The following TTC7B variants were observed in gnomAD, a reference collection of about 807,000 sequenced individuals.
TTC7B encodes the protein tetratricopeptide repeat domain 7B, also known as tetratricopeptide repeat protein 7B.
In TTC7B, 28 loss-of-function variants were observed where a neutral mutation model predicts 106.8. That is an observed-to-expected ratio of 0.26 (90% CI 0.19 to 0.36). TTC7B has a LOEUF of 0.36. TTC7B is among the 10% of genes least tolerant of loss of function. The pLI is 1.00. For synonymous variants in TTC7B, 405 were observed against 430.6 expected (o/e 0.94, Z 0.74); for missense variants, 862 against 1,076.4 (o/e 0.80, Z 2.79).
intron 19 of TTC7B, among the ~76,000 whole-genome samples, chr14:90,549,453 C>T (rs1177413930): frequency 6.6e-6 from 1 of 152,234 alleles, no homozygotes; most frequent in Non-Finnish European, 1.5e-5. Context: ...CTTTGTCTCC[C>T]TTTGGGAAGA....
chr14:90,747,946 C>T lies in TTC7B; in HGVS notation c.446-3024G>A, dbSNP rs993791946. ...AGTGTTAGCATTTAAATTTTTTCATCCCTTTACTTTTAATCTTTACTTTTA... is the reference window on the plus strand; with the variant it reads ...AGTGTTAGCATTTAAATTTTTTCATTCCTTTACTTTTAATCTTTACTTTTA... On this transcript the variant is annotated intron_variant, in intron 3 of 19. Coordinates refer to ENST00000328459, the MANE Select transcript of TTC7B (RefSeq NM_001010854.2). 4.6e-5 allele frequency among the ~76,000 whole-genome samples: 7 copies of T among 152,046 alleles called. No homozygotes were observed. In the South Asian group the frequency reaches 1.2e-3, roughly 27 times the overall value.
intron 5 of TTC7B, among the ~76,000 whole-genome samples, chr14:90,724,257 A>G (rs1889004618): frequency 1.3e-5 from 2 of 152,170 alleles, no homozygotes; most frequent in African/African-American, 4.8e-5. Flanking sequence ...GAAATGGCTT[A>G]TTTTAATTCC....
At chr14:90,716,277 A>G (rs1176778573) in intron 5 of TTC7B, among the ~76,000 whole-genome samples, 1 of 152,238 alleles carries the variant, frequency 6.6e-6, no homozygotes, top group Non-Finnish European at 1.5e-5. Flanking sequence ...ATCAGATAGC[A>G]ACTGGGGGAT....
chr14:90,646,557 C>T (rs866530427), intron 14 of TTC7B, among the ~76,000 whole-genome samples: 14 of 152,310 alleles, frequency 9.2e-5, no homozygotes, highest in East Asian at 5.8e-4. Flanking sequence ...GACAACCAGA[C>T]GCCAATCAGG....
chr14:90,669,114 A>C, intron 9 of TTC7B, among the ~76,000 whole-genome samples: 1 of 152,180 alleles, frequency 6.6e-6, no homozygotes, highest in South Asian at 2.1e-4. Context: ...GAATAGGGCA[A>C]AGAATAGTTT....
chr14:90,798,030 G>C (rs372672368), intron 1 of TTC7B, among the ~76,000 whole-genome samples: 41 of 152,292 alleles, frequency 2.7e-4, no homozygotes, highest in African/African-American at 9.1e-4. Flanking sequence ...TCTGACTGAT[G>C]GAACAGTGGA....
chr14:90,642,510 C>T (rs1885225529), intron 15 of TTC7B: 1 of 152,292 alleles, frequency 6.6e-6, no homozygotes, highest in Admixed American at 6.5e-5. Context: ...CTCCCCAACC[C>T]CAAGCAGTCC....
intron 5 of TTC7B, among the ~76,000 whole-genome samples, chr14:90,696,157 C>T (rs577966113): frequency 1.3e-5 from 2 of 152,264 alleles, no homozygotes; most frequent in South Asian, 4.2e-4. Flanking sequence ...CTTCTGAGAG[C>T]GAGCATGTGA....
intron 15 of TTC7B, among the ~76,000 whole-genome samples, chr14:90,623,117 T>A (rs1415295467): frequency 6.6e-6 from 1 of 152,160 alleles, no homozygotes; most frequent in Admixed American, 6.5e-5. Context: ...GAAGCCAGCC[T>A]TAAGTAATAG....
chr14:90,737,174 A>G (rs1889567186), intron 4 of TTC7B, among the ~76,000 whole-genome samples: 1 of 152,214 alleles, frequency 6.6e-6, no homozygotes, highest in African/African-American at 2.4e-5. Flanking sequence ...AAACTGTAAG[A>G]AAACAACACT....
At chr14:90,571,432 A>G (rs1891031307) in intron 19 of TTC7B, among the ~76,000 whole-genome samples, 1 of 152,228 alleles carries the variant, frequency 6.6e-6, no homozygotes, top group African/African-American at 2.4e-5. Context: ...GGGCCTGTGC[A>G]CTTTTCAGGG....
At chr14:90,681,302 A>G (rs1887038756) in intron 7 of TTC7B, among the ~76,000 whole-genome samples, 1 of 152,200 alleles carries the variant, frequency 6.6e-6, no homozygotes, top group African/African-American at 2.4e-5. Context: ...GTTATCACCA[A>G]TTGGGTCAAA....
At chr14:90,775,934 G>A (rs1891013187) in intron 3 of TTC7B, among the ~76,000 whole-genome samples, 2 of 151,458 alleles carry the variant, frequency 1.3e-5, no homozygotes, top group Admixed American at 6.6e-5. Flanking sequence ...TAAAATTTCC[G>A]GTTTAAAAAT....
chr14:90,682,757 AT>A (rs1264666055), intron 7 of TTC7B, among the ~76,000 whole-genome samples: 1 of 152,184 alleles, frequency 6.6e-6, no homozygotes, highest in Non-Finnish European at 1.5e-5. Flanking sequence ...CTCAGCAGGC[AT>A]GAGGACAAGC....
chr14:90,709,254 C>T (rs1165217329), intron 5 of TTC7B, among the ~76,000 whole-genome samples: 3 of 150,598 alleles, frequency 2.0e-5, no homozygotes, highest in East Asian at 2.0e-4. Flanking sequence ...TATTGCGGCA[C>T]TATTCACAAT....
In TTC7B at chr14:90,594,411, T is replaced by C. The variant is rs996572138; in HGVS notation, c.1967-785A>G. On this transcript the variant is annotated intron_variant, in intron 17 of 19. Transcript: ENST00000328459. Reference sequence around the variant, plus strand: ...AAGTCAAAATGCAAAACTCATTTCTTTTCACGTTGACCTCTCGGAGGATCG... The same window carrying C: ...AAGTCAAAATGCAAAACTCATTTCTCTTCACGTTGACCTCTCGGAGGATCG... Among the ~76,000 whole-genome samples, 10 of 152,174 alleles carry C rather than the reference T, an allele frequency of 6.6e-5. 1 individual carries two copies. The Middle Eastern group carries it at 0.01, about 155-fold the overall frequency.
At chr14:90,646,326 G>A (rs1397445215) in intron 14 of TTC7B, among the ~76,000 whole-genome samples, 1 of 152,222 alleles carries the variant, frequency 6.6e-6, no homozygotes, top group African/African-American at 2.4e-5. Flanking sequence ...CAGCTGGGAG[G>A]GGATAGGAGG....
intron 15 of TTC7B, among the ~76,000 whole-genome samples, chr14:90,630,838 GTT>G (rs139299361): frequency 2.2e-5 from 2 of 92,616 alleles, no homozygotes; most frequent in African/African-American, 3.0e-5. Context: ...CTTGTTTTTT[GTT>G]TTTTTTTTTT....
At chr14:90,698,961 T>C in intron 5 of TTC7B, 1 of 333,412 alleles carries the variant, frequency 3.0e-6, no homozygotes, top group Non-Finnish European at 5.8e-6. Flanking sequence ...CCATCTTTTC[T>C]TCTCTCCTAT....
Sources: gnomAD v4.1 joint callset for allele counts (sites outside exome capture counted in the v4.1 genomes callset) on GRCh38, gnomAD v4.1.1 for gene constraint, MANE v1.5 for transcripts, NCBI Gene and HGNC (gene_info 2026-07-23, HGNC 2026-07-21) for gene names.